The following SPMIP2 variants were observed in gnomAD, a reference collection of about 807,000 sequenced individuals.
SPMIP2 encodes the protein sperm microtubule inner protein 2, also known as protein SPMIP2.
At chr4:159,051,104 G>A in the SPMIP2 span, among the ~76,000 whole-genome samples, 3 of 146,220 alleles carry the variant, frequency 2.1e-5, no homozygotes, top group Non-Finnish European at 3.0e-5. Context: ...GAAAGACTCC[G>A]TCTCAGAAAA....
the SPMIP2 span, chr4:158,904,324 TGTTTTGCTTTTTCATTA>T: frequency 1.5e-6 from 1 of 673,412 alleles, no homozygotes; most frequent in Non-Finnish European, 2.5e-6. Context: ...TCCTTCCATC[TGTTTTGCTTTTTCATTA>T]GTTTTAAATG....
At chr4:158,902,374 G>T in the SPMIP2 span, among the ~76,000 whole-genome samples, 5 of 152,152 alleles carry the variant, frequency 3.3e-5, no homozygotes, top group Non-Finnish European at 7.4e-5. Context: ...TCCCAGAGGG[G>T]CACCCACCAG....
chr4:159,025,036 C>T, the SPMIP2 span, among the ~76,000 whole-genome samples: 1 of 152,150 alleles, frequency 6.6e-6, no homozygotes, highest in African/African-American at 2.4e-5. Flanking sequence ...AACTGAGACA[C>T]AGAAGGGTAA....
At chr4:158,926,904 T>A in the SPMIP2 span, among the ~76,000 whole-genome samples, 2 of 152,152 alleles carry the variant, frequency 1.3e-5, no homozygotes, top group Non-Finnish European at 2.9e-5. Context: ...GGATACAATG[T>A]TCACCATTTG....
At chr4:158,978,526 AAC>A in the SPMIP2 span, among the ~76,000 whole-genome samples, 4 of 152,132 alleles carry the variant, frequency 2.6e-5, no homozygotes, top group South Asian at 4.1e-4. Context: ...GTTAGACTCT[AAC>A]ACAATAATAG....
the SPMIP2 span, among the ~76,000 whole-genome samples, chr4:159,024,258 T>A: frequency 6.6e-6 from 1 of 152,238 alleles, no homozygotes; most frequent in Admixed American, 6.5e-5. Context: ...ACATGGATAA[T>A]CTTCTATCCA....
At chr4:158,910,727 C>T in the SPMIP2 span, among the ~76,000 whole-genome samples, 7 of 152,206 alleles carry the variant, frequency 4.6e-5, no homozygotes, top group Admixed American at 3.9e-4. Context: ...GAGAATTCTG[C>T]CTGAAAACTG....
chr4:158,971,159 G>A, the SPMIP2 span, among the ~76,000 whole-genome samples: 3 of 152,156 alleles, frequency 2.0e-5, no homozygotes, highest in East Asian at 5.8e-4. Flanking sequence ...GATAAAGAGG[G>A]AGAGAGGCTA....
the SPMIP2 span, among the ~76,000 whole-genome samples, chr4:159,076,673 CT>C: frequency 6.6e-6 from 1 of 151,852 alleles, no homozygotes; most frequent in African/African-American, 2.4e-5. Flanking sequence ...TCTTTTCTTT[CT>C]TTTTTTCTTT....
At chr4:158,920,543 TTGAGATAAGGAC>T in the SPMIP2 span, among the ~76,000 whole-genome samples, 1 of 152,192 alleles carries the variant, frequency 6.6e-6, no homozygotes, top group East Asian at 1.9e-4. Flanking sequence ...TCTTATGCGG[TTGAGATAAGGAC>T]TGAGATACGC....
chr4:158,988,116 G>T, the SPMIP2 span, among the ~76,000 whole-genome samples: 2 of 151,934 alleles, frequency 1.3e-5, no homozygotes, highest in African/African-American at 4.8e-5. Context: ...ATAAACAGCT[G>T]TACGCAAATA....
At chr4:158,914,964 CTT>C in the SPMIP2 span, among the ~76,000 whole-genome samples, 1 of 152,176 alleles carries the variant, frequency 6.6e-6, no homozygotes, top group East Asian at 1.9e-4. Flanking sequence ...CTCTTGTTTT[CTT>C]TAACTATAAA....
At chr4:158,958,265 G>A in the SPMIP2 span, among the ~76,000 whole-genome samples, 1 of 152,170 alleles carries the variant, frequency 6.6e-6, no homozygotes, top group Non-Finnish European at 1.5e-5. Flanking sequence ...CTCCTGAATA[G>A]CGGAGACAGG....
chr4:159,072,233 A>G, the SPMIP2 span, among the ~76,000 whole-genome samples: 1 of 152,088 alleles, frequency 6.6e-6, no homozygotes, highest in African/African-American at 2.4e-5. Context: ...AGGATCACCT[A>G]AGGCTGGGAA....
the SPMIP2 span, among the ~76,000 whole-genome samples, chr4:158,973,892 A>G: frequency 1.3e-5 from 2 of 149,872 alleles, no homozygotes; most frequent in East Asian, 4.0e-4. Flanking sequence ...AGATGGAGGT[A>G]AGAGGATTGC....
At chr4:158,973,647 G>T in the SPMIP2 span, among the ~76,000 whole-genome samples, 5 of 152,190 alleles carry the variant, frequency 3.3e-5, no homozygotes, top group South Asian at 8.3e-4. Flanking sequence ...TGATGCGAAG[G>T]TTGGGCTCTT....
At chr4:159,036,745 T>C in the SPMIP2 span, among the ~76,000 whole-genome samples, 1 of 152,244 alleles carries the variant, frequency 6.6e-6, no homozygotes, top group Non-Finnish European at 1.5e-5. Context: ...GTTGTGTTAC[T>C]GATCTTTGGT....
chr4:159,052,428 C>T, the SPMIP2 span, among the ~76,000 whole-genome samples: 3 of 151,962 alleles, frequency 2.0e-5, no homozygotes, highest in African/African-American at 7.3e-5. Context: ...CCCCTGCACA[C>T]GGTAAAAAAG....
At chr4:158,948,234 G>A in the SPMIP2 span, among the ~76,000 whole-genome samples, 1 of 152,074 alleles carries the variant, frequency 6.6e-6, no homozygotes, top group Non-Finnish European at 1.5e-5. Context: ...TTCCTGGACT[G>A]GACTCCTTTT....
Sources: gnomAD v4.1 joint callset for allele counts (sites outside exome capture counted in the v4.1 genomes callset) on GRCh38, gnomAD v4.1.1 for gene constraint, MANE v1.5 for transcripts, NCBI Gene and HGNC (gene_info 2026-07-23, HGNC 2026-07-21) for gene names.